NRXN3: variants seen among roughly 807,000 people sequenced by gnomAD.
The protein encoded by NRXN3 is neurexin III.
In NRXN3, 32 loss-of-function variants were observed where a neutral mutation model predicts 137.6. That is an observed-to-expected ratio of 0.23 (90% CI 0.18 to 0.31). The LOEUF is 0.31. Among genes scored for constraint, NRXN3 ranks in the 10% least tolerant of loss-of-function variants. The pLI is 1.00. For synonymous variants in NRXN3, 798 were observed against 784.5 expected, an observed-to-expected ratio of 1.02 and a Z score of -0.29; for missense variants, 1,574 against 2,062.5, an observed-to-expected ratio of 0.76 and a Z score of 4.59.
chr14:79,337,673 G>A (rs919557471), intron 15 of NRXN3, among the ~76,000 whole-genome samples: 13 of 152,076 alleles, frequency 8.5e-5, no homozygotes, highest in African/African-American at 2.9e-4. Flanking sequence ...TTGGAATCTG[G>A]TGCAATATTG....
At chr14:79,510,991 T>C (rs368918304) in intron 16 of NRXN3, among the ~76,000 whole-genome samples, 9 of 152,206 alleles carry the variant, frequency 5.9e-5, no homozygotes, top group African/African-American at 2.2e-4. Context: ...CAATCTTGAG[T>C]TGATCACAAA....
chr14:79,267,515 A>ACCC (rs887765191), intron 15 of NRXN3, among the ~76,000 whole-genome samples: 6 of 151,850 alleles, frequency 4.0e-5, no homozygotes, highest in Admixed American at 1.3e-4. Context: ...GCACCACCAC[A>ACCC]CCCAGCTAAG....
chr14:78,537,769 C>G (rs2096550497), intron 4 of NRXN3, among the ~76,000 whole-genome samples: 1 of 152,056 alleles, frequency 6.6e-6, no homozygotes, highest in Non-Finnish European at 1.5e-5. Flanking sequence ...TTTAATCCAT[C>G]TTGAATTAAT....
intron 6 of NRXN3, among the ~76,000 whole-genome samples, chr14:78,675,542 G>C (rs903797827): frequency 3.9e-5 from 6 of 152,046 alleles, no homozygotes; most frequent in African/African-American, 1.4e-4. Flanking sequence ...AGTTAATTTT[G>C]CCCTAGATCA....
At chr14:79,761,380 C>A (rs1289556363) in intron 19 of NRXN3, among the ~76,000 whole-genome samples, 2 of 151,588 alleles carry the variant, frequency 1.3e-5, no homozygotes, top group African/African-American at 4.9e-5. Context: ...AAGAGAACTG[C>A]ATTCTATTTT....
intron 6 of NRXN3, among the ~76,000 whole-genome samples, chr14:78,675,524 C>G (rs185446494): frequency 6.6e-6 from 1 of 152,138 alleles, no homozygotes; most frequent in African/African-American, 2.4e-5. Flanking sequence ...TCCATTAGAT[C>G]CTTGATGAGT....
At chr14:78,506,906 AT>A (rs1259567448) in intron 4 of NRXN3, among the ~76,000 whole-genome samples, 1 of 151,964 alleles carries the variant, frequency 6.6e-6, no homozygotes, top group African/African-American at 2.4e-5. Flanking sequence ...ATTGTAGGCC[AT>A]TTTTGTGTGT....
At chr14:79,451,674 C>T (rs1283999725) in intron 15 of NRXN3, among the ~76,000 whole-genome samples, 1 of 152,220 alleles carries the variant, frequency 6.6e-6, no homozygotes, top group Non-Finnish European at 1.5e-5. Context: ...CTCTTCACTT[C>T]TCATTATCCA....
chr14:79,073,179 G>T (rs763242637), intron 15 of NRXN3, among the ~76,000 whole-genome samples: 1 of 151,994 alleles, frequency 6.6e-6, no homozygotes, highest in Non-Finnish European at 1.5e-5. Context: ...GAGCCACCGC[G>T]CCCGGCCCGT....
intron 15 of NRXN3, among the ~76,000 whole-genome samples, chr14:79,369,289 C>T (rs2094005999): frequency 6.6e-6 from 1 of 152,148 alleles, no homozygotes; most frequent in Non-Finnish European, 1.5e-5. Context: ...TTGATGAATT[C>T]TTCCGTCCAT....
At chr14:78,210,923 G>A (rs1267645175) in intron 1 of NRXN3, among the ~76,000 whole-genome samples, 1 of 152,090 alleles carries the variant, frequency 6.6e-6, no homozygotes, top group African/African-American at 2.4e-5. Context: ...AGGCTGCCTG[G>A]TTAGAGTTTT....
At chr14:78,598,514 A>C (rs1333372996) in intron 4 of NRXN3, among the ~76,000 whole-genome samples, 1 of 152,166 alleles carries the variant, frequency 6.6e-6, no homozygotes, top group Non-Finnish European at 1.5e-5. Context: ...CTGCGGTCGC[A>C]TGTCCATGTT....
chr14:78,266,962 A>G (rs2071853893), intron 2 of NRXN3, among the ~76,000 whole-genome samples: 1 of 152,116 alleles, frequency 6.6e-6, no homozygotes, highest in Non-Finnish European at 1.5e-5. Context: ...CAGGGCAAGG[A>G]TCCATTGGGA....
chr14:78,297,845 A>G lies in NRXN3; in HGVS notation c.742A>G (p.Met248Val), dbSNP rs1567196555. The part of the protein sequence containing the change: ...VSQDPGLSHL[M>V]MSEQAREENV... Reference sequence around the variant, plus strand: ...CTCTTCCTCAGGCCTCTCCCACCTCATGATGAGTGAACAAGGTAGGTGCTT... The same window carrying G: ...CTCTTCCTCAGGCCTCTCCCACCTCGTGATGAGTGAACAAGGTAGGTGCTT... Residue 248 changes from methionine (M) to valine (V), a missense_variant, in exon 4 of 21, where the codon ATG (methionine) becomes GTG (valine). Met to Val is a conservative substitution (Grantham distance 21). This residue lies in a region of NRXN3 where 400 missense variants were observed against 527.3 expected (regional missense o/e 0.76). Transcript: ENST00000335750. 6.5e-7 allele frequency: 1 copy of G among 1,536,208 alleles called. No homozygotes were observed.
At chr14:79,179,676 TTATCTTTCATG>T (rs1294252757) in intron 15 of NRXN3, among the ~76,000 whole-genome samples, 1 of 152,196 alleles carries the variant, frequency 6.6e-6, no homozygotes, top group Non-Finnish European at 1.5e-5. Flanking sequence ...AGAGGTCTGA[TTATCTTTCATG>T]TAATCCCCAC....
intron 15 of NRXN3, among the ~76,000 whole-genome samples, chr14:79,106,787 A>G (rs2052533680): frequency 6.6e-6 from 1 of 152,162 alleles, no homozygotes; most frequent in Non-Finnish European, 1.5e-5. Flanking sequence ...AAATTCACCA[A>G]ATAGAATCTC....
At chr14:79,114,149 C>G (rs965440091) in intron 15 of NRXN3, among the ~76,000 whole-genome samples, 2 of 152,140 alleles carry the variant, frequency 1.3e-5, no homozygotes, top group African/African-American at 4.8e-5. Flanking sequence ...GTTTAGTTAT[C>G]ACAAATAACT....
At chr14:79,128,010 T>G (rs1184366409) in intron 15 of NRXN3, among the ~76,000 whole-genome samples, 2 of 150,670 alleles carry the variant, frequency 1.3e-5, no homozygotes, top group Non-Finnish European at 3.0e-5. Context: ...TGCTTGTGAT[T>G]TTTGTACATT....
intron 4 of NRXN3, among the ~76,000 whole-genome samples, chr14:78,425,982 C>A (rs368409127): frequency 2.0e-5 from 3 of 152,200 alleles, no homozygotes; most frequent in African/African-American, 7.2e-5. Context: ...GTGGCACTTC[C>A]TGTGCAGTTC....
Sources: allele counts gnomAD v4.1 joint callset (sites outside exome capture counted in the v4.1 genomes callset), GRCh38; gene constraint gnomAD v4.1.1; regional missense constraint gnomAD v4.1.1; transcripts MANE v1.5; gene names NCBI Gene and HGNC (gene_info 2026-07-23, HGNC 2026-07-21).